Variants in GRIK1 observed in about 807,000 individuals in gnomAD.
GRIK1 encodes the protein glutamate ionotropic receptor kainate type subunit 1.
GRIK1 carries 69 observed loss-of-function variants against 105.7 expected under a neutral mutation model. The observed-to-expected ratio is 0.65, with a 90% CI of 0.54 to 0.80. The LOEUF (loss-of-function observed/expected upper bound fraction) is 0.80, where lower values mean the gene tolerates loss of function less well. Among genes scored for constraint, GRIK1 ranks in the 30% least tolerant of loss-of-function variants. GRIK1 has a pLI of 0.00. For synonymous variants in GRIK1, 438 were observed against 431.3 expected (o/e 1.02, Z -0.19); for missense variants, 1,109 against 1,167.3 (o/e 0.95, Z 0.73).
intron 1 of GRIK1, among the ~76,000 whole-genome samples, chr21:29,893,599 C>G (rs2146229938): frequency 6.6e-6 from 1 of 152,248 alleles, no homozygotes; most frequent in Non-Finnish European, 1.5e-5. Context: ...CAGCAAACAG[C>G]CTGGATAAAT....
At chr21:29,734,957 C>T (rs2064751140) in intron 1 of GRIK1, among the ~76,000 whole-genome samples, 1 of 152,150 alleles carries the variant, frequency 6.6e-6, no homozygotes, top group Non-Finnish European at 1.5e-5. Flanking sequence ...CTTAAATTGC[C>T]TGCTCTCCAA....
At chr21:29,627,996 G>A (rs898724170) in intron 7 of GRIK1, among the ~76,000 whole-genome samples, 2 of 152,140 alleles carry the variant, frequency 1.3e-5, no homozygotes, top group African/African-American at 4.8e-5. Flanking sequence ...TATTTCATTT[G>A]TTTTTAATTA....
intron 5 of GRIK1, among the ~76,000 whole-genome samples, chr21:29,651,554 G>T (rs928759252): frequency 2.0e-5 from 3 of 152,046 alleles, no homozygotes; most frequent in African/African-American, 7.2e-5. Context: ...ATGCTGTCCT[G>T]CCTGGGACAT....
At chr21:29,858,291 A>T (rs2068527220) in intron 1 of GRIK1, among the ~76,000 whole-genome samples, 1 of 152,132 alleles carries the variant, frequency 6.6e-6, no homozygotes, top group Admixed American at 6.6e-5. Context: ...CCCTCTCTCC[A>T]CTCAGAGAAG....
chr21:29,827,308 T>C (rs768580834), intron 1 of GRIK1, among the ~76,000 whole-genome samples: 1 of 152,110 alleles, frequency 6.6e-6, no homozygotes, highest in South Asian at 2.1e-4. Context: ...TTAAGTAATA[T>C]TAAAACCTAA....
At chr21:29,540,543 T>C (rs1216683871) in intron 16 of GRIK1, among the ~76,000 whole-genome samples, 1 of 152,086 alleles carries the variant, frequency 6.6e-6, no homozygotes, top group Non-Finnish European at 1.5e-5. Context: ...GAAATGAAAT[T>C]GTGAAGGTCA....
intron 1 of GRIK1, among the ~76,000 whole-genome samples, chr21:29,776,269 C>T (rs1418675924): frequency 6.6e-6 from 1 of 152,150 alleles, no homozygotes; most frequent in African/African-American, 2.4e-5. Context: ...AATGATTTAC[C>T]TTTTTATTCT....
chr21:29,629,556 C>T (rs1227772692), intron 7 of GRIK1, among the ~76,000 whole-genome samples: 1 of 150,688 alleles, frequency 6.6e-6, no homozygotes, highest in African/African-American at 2.5e-5. Context: ...AGTGGCGGAT[C>T]TCAGCTCACT....
At chr21:29,580,254 C>T (rs757112471) in intron 13 of GRIK1, among the ~76,000 whole-genome samples, 3 of 151,066 alleles carry the variant, frequency 2.0e-5, no homozygotes, top group Admixed American at 2.0e-4. Context: ...TAATTGCTCA[C>T]AAGATAAATA....
intron 1 of GRIK1, among the ~76,000 whole-genome samples, chr21:29,706,688 T>C (rs527923283): frequency 6.6e-6 from 1 of 152,268 alleles, no homozygotes; most frequent in Non-Finnish European, 1.5e-5. Context: ...TGATTGAAAA[T>C]AAAGGACAGT....
intron 14 of GRIK1, among the ~76,000 whole-genome samples, chr21:29,572,102 G>A (rs1381838911): frequency 6.6e-6 from 1 of 152,176 alleles, no homozygotes; most frequent in Non-Finnish European, 1.5e-5. Context: ...TCAGGACTGA[G>A]TCCTTGTGAC....
At chr21:29,836,064 T>A (rs2067795846) in intron 1 of GRIK1, among the ~76,000 whole-genome samples, 1 of 152,256 alleles carries the variant, frequency 6.6e-6, no homozygotes, top group African/African-American at 2.4e-5. Flanking sequence ...CCTGGCAGGC[T>A]GCTGCCCACT....
chr21:29,560,400 C>CCTTCCTTTCTTTCTTTCTTT lies in GRIK1; in HGVS notation c.2356+1223_2356+1224insAAAGAAAGAAAGAAAGGAAG, dbSNP rs1491373479. 1.3e-3 allele frequency among the ~76,000 whole-genome samples: 86 copies of CCTTCCTTTCTTTCTTTCTTT among 67,100 alleles called. 8 individuals are homozygous for CCTTCCTTTCTTTCTTTCTTT. Among genetic ancestry groups the CCTTCCTTTCTTTCTTTCTTT allele is most frequent in the African/African-American group, 3.4e-3 (37 of 10,776 alleles). The allele number at this position is 67,100 out of a possible 152,430, so 44.0% of individuals were successfully genotyped here. ...TCCTTCCTTCCTTCCTTCCTTCCTT[C>CCTTCCTTTCTTTCTTTCTTT]CTTTCTTTCTTTCTTTCTTTCTTTC... On this transcript the variant is annotated intron_variant, in intron 15 of 17. Coordinates refer to ENST00000327783, the MANE Select transcript of GRIK1 (RefSeq NM_001330994.2).
intron 12 of GRIK1, among the ~76,000 whole-genome samples, chr21:29,584,846 A>G (rs1285139228): frequency 6.6e-6 from 1 of 152,178 alleles, no homozygotes; most frequent in Non-Finnish European, 1.5e-5. Context: ...GATGGTAGGA[A>G]GTAAAGGTGA....
At chr21:29,822,624 A>G (rs1202261743) in intron 1 of GRIK1, among the ~76,000 whole-genome samples, 2 of 152,038 alleles carry the variant, frequency 1.3e-5, no homozygotes, top group Non-Finnish European at 2.9e-5. Context: ...TATCTATAAA[A>G]GAAGATAATC....
chr21:29,560,334 T>TCTTTCTTA (rs2090377187), intron 15 of GRIK1, among the ~76,000 whole-genome samples: 2 of 120,832 alleles, frequency 1.7e-5, no homozygotes, highest in South Asian at 5.2e-4. Context: ...TTTCTTTCTT[T>TCTTTCTTA]CTTTCTTTCT....
chr21:29,693,930 A>G lies in GRIK1; in HGVS notation c.252T>C (p.Ile84=). 6.2e-7 allele frequency: 1 copy of G among 1,613,526 alleles called. No individual in the cohort carries two copies. The highest frequency in any genetic ancestry group is 8.5e-7 in the Non-Finnish European group (1 of 1,179,540). ...AGGCTTCAAAACTATCAAAAAGGTTAATTCTCTGGATGTCATAGGTTAATG... is the reference window on the plus strand; with the variant it reads ...AGGCTTCAAAACTATCAAAAAGGTTGATTCTCTGGATGTCATAGGTTAATG... ...NTTLTYDIQR[I]NLFDSFEASR... Residue 84 remains isoleucine (I), a synonymous_variant, in exon 2 of 18, where the codon ATT becomes ATC. Transcript: ENST00000327783.
At chr21:29,617,215 G>A (rs544018002) in intron 7 of GRIK1, among the ~76,000 whole-genome samples, 30 of 152,336 alleles carry the variant, frequency 2.0e-4, no homozygotes, top group Non-Finnish European at 3.1e-4. Flanking sequence ...CATCCTGGGA[G>A]CAATCGAAGA....
intron 7 of GRIK1, among the ~76,000 whole-genome samples, chr21:29,612,143 C>T (rs1387165270): frequency 6.6e-6 from 1 of 152,220 alleles, no homozygotes; most frequent in Admixed American, 6.5e-5. Context: ...CTCAGGCCAA[C>T]TGGAATTGAC....
Sources: gnomAD v4.1 joint callset for allele counts (sites outside exome capture counted in the v4.1 genomes callset) on GRCh38, gnomAD v4.1.1 for gene constraint, MANE v1.5 for transcripts, NCBI Gene and HGNC (gene_info 2026-07-23, HGNC 2026-07-21) for gene names.